SGPP2: variants seen among roughly 807,000 people sequenced by gnomAD.
SGPP2 encodes the protein sphingosine-1-phosphate phosphatase 2, also known as sphingosine 1-phosphate phosphohydrolase 2.
In SGPP2, 30 loss-of-function variants were observed where a neutral mutation model predicts 33.9. The observed-to-expected ratio is 0.89, with a 90% CI of 0.66 to 1.20. SGPP2 has a LOEUF of 1.20. SGPP2 is among the 50% of genes most tolerant of loss of function. SGPP2 has a pLI of 0.00. For missense variants in SGPP2, 458 were observed against 532.1 expected, an observed-to-expected ratio of 0.86 and a Z score of 1.37; for synonymous variants, 233 against 225.0, an observed-to-expected ratio of 1.04 and a Z score of -0.32.
At chr2:222,503,181 A>T (rs1203472708) in intron 2 of SGPP2, among the ~76,000 whole-genome samples, 1 of 152,220 alleles carries the variant, frequency 6.6e-6, no homozygotes, top group Non-Finnish European at 1.5e-5. Context: ...CATTCAGGAA[A>T]AACAACCAAA....
At chr2:222,484,037 C>T (rs1698067750) in intron 2 of SGPP2, among the ~76,000 whole-genome samples, 1 of 152,030 alleles carries the variant, frequency 6.6e-6, no homozygotes, top group South Asian at 2.1e-4. Context: ...GTAAATGTCT[C>T]TAGGGGGTTT....
At chr2:222,442,298 A>G (rs1228607963) in intron 1 of SGPP2, among the ~76,000 whole-genome samples, 1 of 152,184 alleles carries the variant, frequency 6.6e-6, no homozygotes, top group Non-Finnish European at 1.5e-5. Context: ...ACTCACTTGC[A>G]GGCAACGTCT....
At chr2:222,507,088 C>A (rs1041716425) in intron 2 of SGPP2, among the ~76,000 whole-genome samples, 10 of 151,958 alleles carry the variant, frequency 6.6e-5, no homozygotes, top group African/African-American at 7.3e-5. Context: ...ATTCTGACTC[C>A]ATCTTGAAAA....
intron 2 of SGPP2, among the ~76,000 whole-genome samples, chr2:222,483,949 G>A (rs1325073193): frequency 2.6e-5 from 4 of 152,256 alleles, no homozygotes; most frequent in East Asian, 1.9e-4. Context: ...TGCATTGAAC[G>A]GAATAGAATT....
chr2:222,514,095 A>G (rs910681287), intron 2 of SGPP2, among the ~76,000 whole-genome samples: 23 of 152,280 alleles, frequency 1.5e-4, no homozygotes, highest in African/African-American at 5.5e-4. Flanking sequence ...TACACATACA[A>G]TTTTTTAAAT....
chr2:222,446,872 AAAT>A (rs1697406855), intron 1 of SGPP2, among the ~76,000 whole-genome samples: 1 of 152,240 alleles, frequency 6.6e-6, no homozygotes, highest in African/African-American at 2.4e-5. Context: ...ATAAATGAGA[AAAT>A]ATGGAAAAAA....
chr2:222,530,506 G>T (rs115363744), intron 4 of SGPP2, among the ~76,000 whole-genome samples: 4 of 152,090 alleles, frequency 2.6e-5, no homozygotes, highest in African/African-American at 9.7e-5. Flanking sequence ...TTTTGAACAC[G>T]GCTTCTTTCC....
At chr2:222,450,497 G>A (rs1170378049) in intron 1 of SGPP2, among the ~76,000 whole-genome samples, 1 of 152,130 alleles carries the variant, frequency 6.6e-6, no homozygotes, top group Non-Finnish European at 1.5e-5. Flanking sequence ...ACTGGACATA[G>A]CTGAGGATGA....
chr2:222,508,660 A>G (rs1318590210), intron 2 of SGPP2, among the ~76,000 whole-genome samples: 2 of 152,230 alleles, frequency 1.3e-5, no homozygotes, highest in African/African-American at 4.8e-5. Flanking sequence ...CAAAAATTTC[A>G]AAAGCAGAGC....
rs1429484643 is a variant in SGPP2, at chr2:222,460,653, C to T, written c.220-13915C>T. ...TTATTACGACCTCCAGGGCTCTCCT[C>T]TCTGGCTTTGGCCTCCACTTCTAGC... On this transcript the variant is annotated intron_variant, in intron 1 of 4. Transcript: ENST00000321276. This position sits in a 1 kb window ranked among gnomAD's most constrained non-coding sequence, Gnocchi z 4.3. 2.0e-5 allele frequency among the ~76,000 whole-genome samples: 3 copies of T among 152,184 alleles called. No individual in the cohort carries two copies. Among genetic ancestry groups the T allele is most frequent in the Non-Finnish European group, 4.4e-5 (3 of 68,026 alleles).
chr2:222,472,961 C>T (rs1210277837), intron 1 of SGPP2, among the ~76,000 whole-genome samples: 1 of 152,070 alleles, frequency 6.6e-6, no homozygotes, highest in Non-Finnish European at 1.5e-5. Context: ...TTGCAGTGAG[C>T]CAAGATAGTG....
chr2:222,482,599 G>A (rs11676389), intron 2 of SGPP2, among the ~76,000 whole-genome samples: 19,333 of 152,082 alleles, frequency 0.13, 1,369 homozygotes, highest in African/African-American at 0.19. Flanking sequence ...GACTGGTCTC[G>A]AACTCTTGAC....
chr2:222,426,131 T>C (rs1289014492), intron 1 of SGPP2, among the ~76,000 whole-genome samples: 1 of 135,618 alleles, frequency 7.4e-6, no homozygotes, highest in Non-Finnish European at 1.5e-5. Context: ...GACAGGAGAA[T>C]AGCTTGAGGC....
chr2:222,524,823 G>A, intron 3 of SGPP2, 121 bp from the exon 4 acceptor site: 1 of 753,362 alleles, frequency 1.3e-6, no homozygotes, highest in East Asian at 2.7e-5. Flanking sequence ...TTGCTGGTCT[G>A]GGGAATGCAA....
chr2:222,477,315 GTATA>G lies in SGPP2; in HGVS notation c.378+2593_378+2596del, dbSNP rs1251876517. ...TGTATATGTGTGTATATAGGTGTGA[GTATA>G]TATGTGTGTCTATGTGTGTGTGTAT... On this transcript the variant is annotated intron_variant, in intron 2 of 4. Coordinates refer to ENST00000321276, the MANE Select transcript of SGPP2 (RefSeq NM_152386.4). The surrounding 1 kb of genome is among the most constrained non-coding windows in gnomAD (Gnocchi z 6.0). Among the ~76,000 whole-genome samples, 7 of 148,168 alleles carry G rather than the reference GTATA, an allele frequency of 4.7e-5. No homozygotes were observed. In the East Asian group the frequency reaches 1.0e-3, roughly 21 times the overall value.
chr2:222,508,538 A>T (rs899581048), intron 2 of SGPP2, among the ~76,000 whole-genome samples: 2 of 152,212 alleles, frequency 1.3e-5, no homozygotes, highest in African/African-American at 4.8e-5. Flanking sequence ...TTATTATTTA[A>T]CCCAACTCCT....
chr2:222,472,275 TA>T (rs1697856296), intron 1 of SGPP2, among the ~76,000 whole-genome samples: 1 of 152,144 alleles, frequency 6.6e-6, no homozygotes, highest in South Asian at 2.1e-4. Context: ...GCTGCACAAA[TA>T]AAACCAATTC....
Position 222,559,166 on chromosome 2 carries a change from C to G in SGPP2, c.*268C>G, listed in dbSNP as rs560058672. ...TCTTTAAAGGCACACACCGCGCCCCCCCCCCCCCCGCCCGGCCCCTGCTCC... is the reference window on the plus strand; with the variant it reads ...TCTTTAAAGGCACACACCGCGCCCCGCCCCCCCCCGCCCGGCCCCTGCTCC... On this transcript the variant is annotated 3_prime_UTR_variant, in exon 5 of 5. Coordinates refer to ENST00000321276, the MANE Select transcript of SGPP2 (RefSeq NM_152386.4). 148 of 103,466 alleles carry G rather than the reference C, an allele frequency of 1.4e-3. 15 individuals carry two copies. Among genetic ancestry groups the G allele is most frequent in the Middle Eastern group, 0.013 (4 of 320 alleles). 6.4% of individuals were successfully genotyped at this position (103,466 alleles called of 1,614,324 possible).
chr2:222,497,444 A>C (rs1388681357), intron 2 of SGPP2, among the ~76,000 whole-genome samples: 1 of 151,614 alleles, frequency 6.6e-6, no homozygotes, highest in East Asian at 1.9e-4. Context: ...ATAGCGTTTC[A>C]CCATGTTGGC....
Sources: gnomAD v4.1 joint callset for allele counts (sites outside exome capture counted in the v4.1 genomes callset) on GRCh38, gnomAD v4.1.1 for gene constraint, Gnocchi (gnomAD v3.1) non-coding constraint, MANE v1.5 for transcripts, NCBI Gene and HGNC (gene_info 2026-07-23, HGNC 2026-07-21) for gene names.